CACNA2D3: variants seen among roughly 807,000 people sequenced by gnomAD.
The protein encoded by CACNA2D3 is calcium voltage-gated channel auxiliary subunit alpha2delta 3.
CACNA2D3 carries 60 observed loss-of-function variants against 160.6 expected under a neutral mutation model. The ratio of observed to expected loss-of-function variants is 0.37; its 90% CI spans 0.30 to 0.46. The LOEUF is 0.46. Among genes scored for constraint, CACNA2D3 ranks in the 20% least tolerant of loss-of-function variants. CACNA2D3 has a pLI of 1.00. For missense variants in CACNA2D3, 1,205 were observed against 1,365.0 expected (o/e 0.88, Z 1.85); for synonymous variants, 558 against 492.9 (o/e 1.13, Z -1.75).
intron 2 of CACNA2D3, among the ~76,000 whole-genome samples, chr3:54,262,802 G>A (rs963637074): frequency 6.6e-6 from 1 of 152,178 alleles, no homozygotes; most frequent in Non-Finnish European, 1.5e-5. Flanking sequence ...ACCGCATGGC[G>A]AGCCACCTCC....
chr3:54,155,630 A>C (rs1468700297), intron 2 of CACNA2D3, among the ~76,000 whole-genome samples: 1 of 152,184 alleles, frequency 6.6e-6, no homozygotes, highest in South Asian at 2.1e-4. Flanking sequence ...CTCTTAACAC[A>C]AGCAGAAACA....
intron 11 of CACNA2D3, among the ~76,000 whole-genome samples, chr3:54,744,633 A>G (rs1358608867): frequency 1.3e-5 from 2 of 152,212 alleles, no homozygotes; most frequent in Non-Finnish European, 2.9e-5. Flanking sequence ...CCTGTGAAAA[A>G]TCCCATTCTT....
intron 13 of CACNA2D3, among the ~76,000 whole-genome samples, chr3:54,779,176 C>T (rs1204350127): frequency 1.3e-5 from 2 of 152,126 alleles, no homozygotes; most frequent in African/African-American, 2.4e-5. Context: ...CAGCTCACTG[C>T]AACCTCCACC....
At chr3:54,741,599 AAT>A (rs1455255441) in intron 11 of CACNA2D3, among the ~76,000 whole-genome samples, 2 of 83,262 alleles carry the variant, frequency 2.4e-5, no homozygotes, top group East Asian at 6.2e-4. Context: ...TAATAAGAAA[AAT>A]AAAAAAAAAA....
intron 11 of CACNA2D3, among the ~76,000 whole-genome samples, chr3:54,653,697 C>T (rs1340610641): frequency 2.6e-5 from 4 of 152,206 alleles, no homozygotes; most frequent in South Asian, 2.1e-4. Flanking sequence ...CACTGATGCA[C>T]GGCTGCTGCC....
chr3:54,719,253 A>G (rs1254884479), intron 11 of CACNA2D3, among the ~76,000 whole-genome samples: 5 of 150,742 alleles, frequency 3.3e-5, no homozygotes, highest in African/African-American at 9.7e-5. Context: ...TCATGATCTC[A>G]GGATGAATGC....
chr3:54,188,177 C>A (rs916429304), intron 2 of CACNA2D3, among the ~76,000 whole-genome samples: 5 of 152,096 alleles, frequency 3.3e-5, no homozygotes, highest in African/African-American at 1.2e-4. Context: ...TGTGCTTTTT[C>A]CATCTTTTCT....
chr3:54,959,346 G>A (rs979927712), intron 27 of CACNA2D3, among the ~76,000 whole-genome samples: 2 of 152,098 alleles, frequency 1.3e-5, no homozygotes, highest in Admixed American at 1.3e-4. Context: ...GGTGTGCTTG[G>A]GCAAGTTCTT....
At chr3:55,022,349 G>A (rs1036456850) in intron 35 of CACNA2D3, among the ~76,000 whole-genome samples, 11 of 151,734 alleles carry the variant, frequency 7.2e-5, no homozygotes, top group Admixed American at 2.0e-4. Context: ...ACCCTTTTTC[G>A]TCATTTTGCA....
At chr3:54,725,875 C>G (rs1701266044) in intron 11 of CACNA2D3, among the ~76,000 whole-genome samples, 1 of 152,148 alleles carries the variant, frequency 6.6e-6, no homozygotes, top group African/African-American at 2.4e-5. Flanking sequence ...CCTTCTCTCA[C>G]CACTCCTATT....
At chr3:55,017,339 C>T (rs1477432873) in intron 34 of CACNA2D3, among the ~76,000 whole-genome samples, 1 of 152,094 alleles carries the variant, frequency 6.6e-6, no homozygotes, top group African/African-American at 2.4e-5. Flanking sequence ...GAGCCTTCAC[C>T]CTTAACCACT....
chr3:54,131,371 A>G (rs1699703556), intron 2 of CACNA2D3, among the ~76,000 whole-genome samples: 2 of 152,202 alleles, frequency 1.3e-5, no homozygotes, highest in Admixed American at 1.3e-4. Flanking sequence ...AGAGAAGCCC[A>G]TCACCCAAGG....
Position 54,762,516 on chromosome 3 carries a change from G to A in CACNA2D3, c.1247-1702G>A, listed in dbSNP as rs114043677. ...TTACTCAGAACTGCCAGGCCCCAGG[G>A]GGGGCAGGGGTCTTGCTCACCTTGT... On this transcript the variant is annotated intron_variant, in intron 12 of 37. Transcript: ENST00000474759. Among the ~76,000 whole-genome samples the A allele has an allele frequency of 3.3e-3, 506 of 152,312 alleles. 1 individual carries two copies. Among genetic ancestry groups the A allele is most frequent in the African/African-American group, 0.011 (478 of 41,566 alleles).
intron 3 of CACNA2D3, among the ~76,000 whole-genome samples, chr3:54,354,897 A>G (rs1179036612): frequency 1.3e-5 from 2 of 152,244 alleles, no homozygotes; most frequent in Non-Finnish European, 2.9e-5. Context: ...ATCTTTTGCA[A>G]CACCAGAAAG....
intron 2 of CACNA2D3, among the ~76,000 whole-genome samples, chr3:54,150,177 C>A (rs535267977): frequency 6.6e-6 from 1 of 151,520 alleles, no homozygotes; most frequent in African/African-American, 2.4e-5. Flanking sequence ...GGAGACAAAA[C>A]AAAATAAAAA....
At chr3:54,817,097 A>G (rs1214877763) in intron 14 of CACNA2D3, among the ~76,000 whole-genome samples, 1 of 152,196 alleles carries the variant, frequency 6.6e-6, no homozygotes, top group Admixed American at 6.5e-5. Flanking sequence ...AGTGATTGGG[A>G]GGTGAATCTG....
intron 2 of CACNA2D3, among the ~76,000 whole-genome samples, chr3:54,307,343 G>A (rs143864037): frequency 6.6e-6 from 1 of 152,272 alleles, no homozygotes; most frequent in East Asian, 1.9e-4. Context: ...TTTTAGTACT[G>A]TTTATGGTGA....
chr3:55,021,814 G>A (rs1703463130), intron 35 of CACNA2D3, among the ~76,000 whole-genome samples: 2 of 151,274 alleles, frequency 1.3e-5, no homozygotes, highest in South Asian at 4.2e-4. Flanking sequence ...GTTTTAAAAT[G>A]TCCAAATATA....
intron 31 of CACNA2D3, among the ~76,000 whole-genome samples, chr3:55,001,283 C>T (rs1050441520): frequency 2.6e-5 from 4 of 152,150 alleles, no homozygotes; most frequent in South Asian, 2.1e-4. Flanking sequence ...CTAAGAAAAC[C>T]GGGAGCCTTG....
Sources: allele counts gnomAD v4.1 joint callset (sites outside exome capture counted in the v4.1 genomes callset), GRCh38; gene constraint gnomAD v4.1.1; transcripts MANE v1.5; gene names NCBI Gene and HGNC (gene_info 2026-07-23, HGNC 2026-07-21).